DPT: variants seen among roughly 807,000 people sequenced by gnomAD.
DPT encodes dermatopontin.
Under a neutral mutation model 31.2 loss-of-function variants are expected in DPT, and 21 were observed. The ratio of observed to expected loss-of-function variants is 0.67; its 90% CI spans 0.48 to 0.97. The LOEUF (loss-of-function observed/expected upper bound fraction) is 0.97. Among genes scored for constraint, DPT ranks in the 50% least tolerant of loss-of-function variants. DPT has a pLI of 0.00. For missense variants in DPT, 262 were observed against 258.8 expected (o/e 1.01, Z -0.08); for synonymous variants, 91 against 86.9 (o/e 1.05, Z -0.26).
intron 2 of DPT, among the ~76,000 whole-genome samples, chr1:168,707,078 A>G (rs1260403006): frequency 1.3e-5 from 2 of 152,208 alleles, no homozygotes; most frequent in Non-Finnish European, 2.9e-5. Context: ...CTATGCAAAG[A>G]GCATGGGATT....
At chr1:168,699,664 T>C (rs1258722708) in intron 3 of DPT, among the ~76,000 whole-genome samples, 1 of 152,042 alleles carries the variant, frequency 6.6e-6, no homozygotes, top group Admixed American at 6.6e-5. Flanking sequence ...TAATTCTGTT[T>C]GAAAACACAG....
chr1:168,720,224 C>T (rs1277498265), intron 1 of DPT, among the ~76,000 whole-genome samples: 1 of 152,080 alleles, frequency 6.6e-6, no homozygotes, highest in Non-Finnish European at 1.5e-5. Context: ...GAGCCAGGAC[C>T]CAACTCAGAT....
intron 1 of DPT, among the ~76,000 whole-genome samples, chr1:168,715,830 CCTT>C (rs947997182): frequency 1.3e-5 from 2 of 152,350 alleles, no homozygotes; most frequent in Admixed American, 6.5e-5. Flanking sequence ...AGTTACCTCT[CCTT>C]CTTTGCATTT....
intron 1 of DPT, among the ~76,000 whole-genome samples, chr1:168,727,990 G>GA (rs1312496411): frequency 6.6e-6 from 1 of 152,080 alleles, no homozygotes; most frequent in African/African-American, 2.4e-5. Context: ...AAGCCTCCTA[G>GA]AGTGCTGGCT....
chr1:168,725,264 C>T (rs1030008892), intron 1 of DPT, among the ~76,000 whole-genome samples: 5 of 140,260 alleles, frequency 3.6e-5, no homozygotes, highest in African/African-American at 1.4e-4. Flanking sequence ...TCTTTCCCTT[C>T]CTTTCTTCCT....
At chr1:168,714,924 A>T (rs1192843767) in intron 1 of DPT, among the ~76,000 whole-genome samples, 5 of 152,238 alleles carry the variant, frequency 3.3e-5, no homozygotes, top group African/African-American at 1.2e-4. Flanking sequence ...ACCACAACCC[A>T]GATTCTTCCT....
At chr1:168,711,555 A>T (rs961329255) in intron 2 of DPT, among the ~76,000 whole-genome samples, 1 of 152,230 alleles carries the variant, frequency 6.6e-6, no homozygotes, top group African/African-American at 2.4e-5. Flanking sequence ...GGGAAGAATG[A>T]GTTAGTACAT....
At chr1:168,723,818 C>T (rs1053966584) in intron 1 of DPT, among the ~76,000 whole-genome samples, 9 of 152,086 alleles carry the variant, frequency 5.9e-5, no homozygotes, top group African/African-American at 2.2e-4. Flanking sequence ...GTGCTGCATC[C>T]TTATATTTAT....
chr1:168,714,522 T>C (rs950851264), intron 1 of DPT, among the ~76,000 whole-genome samples, 176 bp from the exon 2 acceptor site: 1 of 152,200 alleles, frequency 6.6e-6, no homozygotes, highest in African/African-American at 2.4e-5. Flanking sequence ...AGCCCCTCCA[T>C]TAAAATTTAA....
intron 2 of DPT, among the ~76,000 whole-genome samples, chr1:168,706,923 C>A (rs533611449): frequency 7.3e-4 from 111 of 152,196 alleles, no homozygotes; most frequent in Non-Finnish European, 1.4e-3. Context: ...CCTGGGCCTG[C>A]ATGTCAGTGG....
At chr1:168,723,922 C>G (rs1013664858) in intron 1 of DPT, among the ~76,000 whole-genome samples, 18 of 152,166 alleles carry the variant, frequency 1.2e-4, no homozygotes, top group African/African-American at 4.1e-4. Flanking sequence ...CCAGGTTCCT[C>G]TAATGTTAAT....
chr1:168,726,882 C>T (rs1001973348), intron 1 of DPT, among the ~76,000 whole-genome samples: 5 of 152,342 alleles, frequency 3.3e-5, no homozygotes, highest in Middle Eastern at 6.8e-3. Flanking sequence ...TCACCAGAGG[C>T]CATGGGGGTG....
rs6698023 is a variant in DPT at position 168,696,554 on chromosome 1, C to T, written c.601G>A (p.Val201Ile). ...MTEYDCEFAN[V>I] The stretch of plus-strand genomic sequence containing the variant: ...AGATTTGGTATGTGGCAAATCTAAA[C>T]ATTTGCAAATTCACAGTCGTATTCA... The change falls in exon 4 of 4, where the codon GTT (valine) becomes ATT (isoleucine). Residue 201 changes from valine (V) to isoleucine (I), a missense_variant. Physicochemically the swap from Val to Ile is conservative, Grantham distance 29. Coordinates refer to ENST00000367817, the MANE Select transcript of DPT (RefSeq NM_001937.5). 1.3e-3 allele frequency: 2,141 copies of T among 1,613,934 alleles called. 27 individuals carry two copies. In the African/African-American group the frequency reaches 0.023, roughly 18 times the overall value.
At chr1:168,704,591 T>G (rs1177801624) in intron 2 of DPT, among the ~76,000 whole-genome samples, 1 of 144,002 alleles carries the variant, frequency 6.9e-6, no homozygotes, top group South Asian at 2.2e-4. Context: ...GGTGTGTGTG[T>G]GGGGTGTGTG....
At chr1:168,712,332 C>CA (rs1557848758) in intron 2 of DPT, among the ~76,000 whole-genome samples, 1 of 152,116 alleles carries the variant, frequency 6.6e-6, no homozygotes, top group South Asian at 2.1e-4. Flanking sequence ...GCTACCTCCT[C>CA]ACCTCCTCAC....
chr1:168,707,306 A>T (rs1375920755), intron 2 of DPT, among the ~76,000 whole-genome samples: 1 of 152,212 alleles, frequency 6.6e-6, no homozygotes, highest in African/African-American at 2.4e-5. Flanking sequence ...AATTGTTATT[A>T]TTTCATATCC....
At chr1:168,699,654 T>C (rs1649544406) in intron 3 of DPT, among the ~76,000 whole-genome samples, 1 of 151,952 alleles carries the variant, frequency 6.6e-6, no homozygotes, top group African/African-American at 2.4e-5. Flanking sequence ...ATTTAAGATG[T>C]AATTCTGTTT....
chr1:168,709,901 T>C lies in DPT; in HGVS notation c.431+4320A>G, dbSNP rs540662720. 2.6e-5 allele frequency among the ~76,000 whole-genome samples: 4 copies of C among 152,310 alleles called. 1 individual carries two copies. Among genetic ancestry groups the C allele is most frequent in the Admixed American group, 2.6e-4 (4 of 15,302 alleles). On this transcript the variant is annotated intron_variant, in intron 2 of 3. Coordinates refer to ENST00000367817, the MANE Select transcript of DPT (RefSeq NM_001937.5). ...GTTAAAAGGATCAAATAAAATAATG[T>C]ACATGAAAGAAGTCTTTGTCAACTA...
rs930511504 is a variant in DPT at position 168,696,048 on chromosome 1, A to C, written c.*501T>G. On this transcript the variant is annotated 3_prime_UTR_variant, in exon 4 of 4. Transcript: ENST00000367817. ...TTGGATTGCTAAGCATGCATGGCTC[A>C]TGTGGAGCAGGGGAGTGGGAAGATG... The C allele has an allele frequency of 5.0e-6, 2 of 396,872 alleles. No individual in the cohort carries two copies. The highest frequency in any genetic ancestry group is 8.9e-6 in the Non-Finnish European group (2 of 225,516). 24.6% of individuals were successfully genotyped at this position (396,872 alleles called of 1,614,324 possible). A position where few individuals can be genotyped will look rare whatever the true frequency, so the allele number is the denominator to read the frequency against.
Sources: allele counts gnomAD v4.1 joint callset (sites outside exome capture counted in the v4.1 genomes callset), GRCh38; gene constraint gnomAD v4.1.1; transcripts MANE v1.5; gene names NCBI Gene and HGNC (gene_info 2026-07-23, HGNC 2026-07-21).